ENOX2: variants seen among roughly 807,000 people sequenced by gnomAD.
ENOX2 encodes the protein ecto-NOX disulfide-thiol exchanger 2.
ENOX2 carries 36 observed loss-of-function variants against 45.0 expected under a neutral mutation model. The observed-to-expected ratio is 0.80, with a 90% CI of 0.61 to 1.06. The LOEUF (loss-of-function observed/expected upper bound fraction) is 1.06. Among genes scored for constraint, ENOX2 ranks in the 50% least tolerant of loss-of-function variants. The pLI is 0.00. For synonymous variants in ENOX2, 174 were observed against 152.3 expected (o/e 1.14, Z -1.05); for missense variants, 423 against 462.5 (o/e 0.91, Z 0.78).
At chrX:130,697,144 T>C (rs1569488603) in intron 4 of ENOX2, among the ~76,000 whole-genome samples, 1 of 111,677 alleles carries the variant, frequency 9.0e-6, no homozygotes, top group Non-Finnish European at 1.9e-5. Flanking sequence ...TTGCATACCT[T>C]CCAATCATTG....
At chrX:130,625,901 ATCTCTC>A (rs758159264) in intron 14 of ENOX2, among the ~76,000 whole-genome samples, 29 of 101,520 alleles carry the variant, frequency 2.9e-4, no homozygotes, top group African/African-American at 1.0e-3. Context: ...CTGCATCCCC[ATCTCTC>A]TCTCTCTCTC....
intron 10 of ENOX2, among the ~76,000 whole-genome samples, chrX:130,645,011 A>T (rs2036191772): frequency 1.8e-5 from 2 of 111,471 alleles, no homozygotes; most frequent in Admixed American, 1.9e-4. Context: ...CTGTGCTTTT[A>T]TAGGGACAGA....
At chrX:130,709,075 GA>G (rs1374958747) in intron 3 of ENOX2, among the ~76,000 whole-genome samples, 1 of 111,957 alleles carries the variant, frequency 8.9e-6, no homozygotes, top group Non-Finnish European at 1.9e-5. Flanking sequence ...TTACTAAAAT[GA>G]AAGTCCATGT....
At chrX:130,902,408 C>T (rs768633057) in intron 1 of ENOX2, among the ~76,000 whole-genome samples, 1 of 111,094 alleles carries the variant, frequency 9.0e-6, no homozygotes, top group East Asian at 2.8e-4. Context: ...CCCTCTTTTG[C>T]TTCCCATCCC....
rs760362068 is a variant in ENOX2, at chrX:130,679,204, T to A, written c.460+338A>T. Among the ~76,000 whole-genome samples the A allele has an allele frequency of 1.2e-4, 13 of 110,722 alleles. No homozygotes were observed. In the South Asian group the frequency reaches 5.1e-3, roughly 44 times the overall value. ...GTGACTCTAGTCAGAGGAAAAGGCA[T>A]AAAACACCATGGCACATTCTGGGAA... On this transcript the variant is annotated intron_variant, in intron 6 of 14. Transcript: ENST00000394363.
At chrX:130,881,386 T>G (rs1308636336) in intron 2 of ENOX2, among the ~76,000 whole-genome samples, 3 of 112,484 alleles carry the variant, frequency 2.7e-5, no homozygotes, top group African/African-American at 9.7e-5. Context: ...AGATCAGAAT[T>G]TAGCATTTTT....
intron 3 of ENOX2, among the ~76,000 whole-genome samples, chrX:130,729,962 C>T (rs1487219381): frequency 8.9e-6 from 1 of 112,289 alleles, no homozygotes; most frequent in Non-Finnish European, 1.9e-5. Context: ...TCCCAATCAA[C>T]ACAGGTGAAA....
chrX:130,841,984 T>C (rs925452979), intron 2 of ENOX2, among the ~76,000 whole-genome samples: 1 of 112,478 alleles, frequency 8.9e-6, no homozygotes, highest in African/African-American at 3.2e-5. Context: ...AATGTCTTCA[T>C]AGACCAAAAG....
rs760324542 is a variant in ENOX2, at chrX:130,815,907, T to G, written c.-182-32217A>C. ...AATTCACACATAACAATATTAACCTTAAATATAAATGGGCTAAATGTCCCA... is the reference window on the plus strand; with the variant it reads ...AATTCACACATAACAATATTAACCTGAAATATAAATGGGCTAAATGTCCCA... On this transcript the variant is annotated intron_variant, in intron 2 of 14. Coordinates refer to ENST00000394363, the MANE Select transcript of ENOX2 (RefSeq NM_006375.4). Among the ~76,000 whole-genome samples, 22 of 111,311 alleles carry G rather than the reference T, an allele frequency of 2.0e-4. No individual in the cohort carries two copies. The South Asian group carries it at 2.3e-3, about 12-fold the overall frequency.
At chrX:130,723,183 A>G (rs991847041) in intron 3 of ENOX2, among the ~76,000 whole-genome samples, 5 of 112,349 alleles carry the variant, frequency 4.5e-5, no homozygotes, top group African/African-American at 1.6e-4. Context: ...ATACCAATGA[A>G]TCAGGAGGGA....
rs761839156 is a variant in ENOX2 at position 130,868,645 on chromosome X, T to A, written c.-183+33039A>T. ...AGACCATTTCTCTTTGCATTGTAAA[T>A]ATACTATACGAGTGATATAATCCAC... On this transcript the variant is annotated intron_variant, in intron 2 of 14. Coordinates refer to ENST00000394363, the MANE Select transcript of ENOX2 (RefSeq NM_006375.4). Among the ~76,000 whole-genome samples, 26 of 111,807 alleles carry A rather than the reference T, an allele frequency of 2.3e-4. 1 individual carries two copies. The highest frequency in any genetic ancestry group is 2.3e-3 in the Admixed American group (24 of 10,539).
At chrX:130,882,326 CT>C (rs2078831557) in intron 2 of ENOX2, among the ~76,000 whole-genome samples, 1 of 86,505 alleles carries the variant, frequency 1.2e-5, no homozygotes, top group African/African-American at 4.6e-5. Flanking sequence ...CCCTGAATGT[CT>C]ATTTGGAAAA....
chrX:130,759,577 C>CAAA (rs753411112), intron 3 of ENOX2, among the ~76,000 whole-genome samples: 6 of 19,932 alleles, frequency 3.0e-4, no homozygotes, highest in Admixed American at 1.1e-3. Context: ...GACTATGTAC[C>CAAA]AAAAAAAAAA....
At chrX:130,682,439 C>A (rs1173457954) in intron 5 of ENOX2, among the ~76,000 whole-genome samples, 7 of 108,223 alleles carry the variant, frequency 6.5e-5, no homozygotes, top group African/African-American at 2.0e-4. Context: ...AAAAAATTAG[C>A]TGGGCATGGT....
intron 2 of ENOX2, among the ~76,000 whole-genome samples, chrX:130,840,690 A>C (rs1300520382): frequency 9.0e-6 from 1 of 110,591 alleles, no homozygotes; most frequent in African/African-American, 3.3e-5. Context: ...AATATGGTGA[A>C]AACTTGTCTC....
At chrX:130,692,746 A>AT (rs59522175) in intron 4 of ENOX2, among the ~76,000 whole-genome samples, 1,045 of 93,848 alleles carry the variant, frequency 0.011, 18 homozygotes, top group East Asian at 0.079. Flanking sequence ...ATACCCGGCT[A>AT]TTTTTTTTTT....
At position 130,720,561 on chromosome X, in the gene ENOX2, T is replaced by C. The variant is rs1379399586; in HGVS notation, c.-38-17307A>G. On this transcript the variant is annotated intron_variant, in intron 3 of 14. Coordinates refer to ENST00000394363, the MANE Select transcript of ENOX2 (RefSeq NM_006375.4). ...GCAGCACAGACCCACAGAAGACATGTTTACTTCTGGCAGAGTCCAATACAA... is the reference window on the plus strand; with the variant it reads ...GCAGCACAGACCCACAGAAGACATGCTTACTTCTGGCAGAGTCCAATACAA... Among the ~76,000 whole-genome samples, 7 of 112,400 alleles carry C rather than the reference T, an allele frequency of 6.2e-5. No homozygotes were observed. In the Admixed American group the frequency reaches 6.6e-4, roughly 11 times the overall value.
rs369147801 is a variant in ENOX2 at position 130,884,723 on chromosome X, T to TGA, written c.-183+16959_-183+16960dup. On this transcript the variant is annotated intron_variant, in intron 2 of 14. Coordinates refer to ENST00000394363, the MANE Select transcript of ENOX2 (RefSeq NM_006375.4). ...TTTAAAAGATAAGAATGCTGATCTA[T>TGA]GAGAGAGAGAGAGAGAGAGAGAAAG... 3.4e-3 allele frequency among the ~76,000 whole-genome samples: 356 copies of TGA among 106,262 alleles called. 1 individual carries two copies. The highest frequency in any genetic ancestry group is 0.016 in the East Asian group (55 of 3,430). 92.3% of individuals were successfully genotyped at this position (106,262 alleles called of 115,157 possible). A position where few individuals can be genotyped will look rare whatever the true frequency, so the allele number is the denominator to read the frequency against.
chrX:130,656,809 T>A (rs937509829), intron 9 of ENOX2, 114 bp from the exon 10 acceptor site: 2 of 474,120 alleles, frequency 4.2e-6, no homozygotes, highest in Non-Finnish European at 7.3e-6. Context: ...AGGAAAAAAA[T>A]CCTCCAAATA....
Sources: gnomAD v4.1 joint callset for allele counts (sites outside exome capture counted in the v4.1 genomes callset) on GRCh38, gnomAD v4.1.1 for gene constraint, MANE v1.5 for transcripts, NCBI Gene and HGNC (gene_info 2026-07-23, HGNC 2026-07-21) for gene names.